Variants in CYLD observed in about 807,000 individuals in gnomAD.
CYLD encodes the protein ubiquitin carboxyl-terminal hydrolase CYLD.
A neutral mutation model predicts 104.5 loss-of-function variants in CYLD; 26 were observed. The observed-to-expected ratio is 0.25, with a 90% CI of 0.18 to 0.35. CYLD has a LOEUF of 0.35. CYLD is among the 10% of genes least tolerant of loss of function. The pLI, the probability that CYLD is intolerant of heterozygous loss-of-function variation, is 1.00. For synonymous variants in CYLD, 385 were observed against 399.9 expected, an observed-to-expected ratio of 0.96 and a Z score of 0.45; for missense variants, 703 against 1,136.1, an observed-to-expected ratio of 0.62 and a Z score of 5.48.
intron 6 of CYLD, 120 bp downstream of exon 6, chr16:50,775,294 TC>T: frequency 1.3e-6 from 1 of 781,484 alleles, no homozygotes; most frequent in Non-Finnish European, 2.1e-6. Context: ...TATTCTATGA[TC>T]ATTGCTGGGC....
rs1222800990 is a variant in CYLD, at chr16:50,799,438, T to C, written c.*2930T>C. The C allele has an allele frequency of 4.3e-6, 1 of 233,570 alleles. No homozygotes were observed. The allele number at this position is 233,570 out of a possible 1,614,324, so 14.5% of individuals were successfully genotyped here. On this transcript the variant is annotated 3_prime_UTR_variant, in exon 19 of 19. Coordinates refer to ENST00000427738, the MANE Select transcript of CYLD (RefSeq NM_001378743.1). ...TTTGACTCCATCCACAGAAGAATGT[T>C]TTATAAGACTAGGAAAACACGTTGA...
chr16:50,765,324 G>A, intron 5 of CYLD, among the ~76,000 whole-genome samples: 1 of 152,062 alleles, frequency 6.6e-6, no homozygotes, highest in Non-Finnish European at 1.5e-5. Context: ...GATCTTTGAG[G>A]TGACTATTGA....
At chr16:50,783,828 C>T (rs1403430974) in intron 11 of CYLD, 11 of 164,564 alleles carry the variant, frequency 6.7e-5, no homozygotes, top group East Asian at 1.7e-4. Flanking sequence ...CATGAGCCAC[C>T]GCACCTGGCC....
chr16:50,787,717 T>C, intron 13 of CYLD, 69 bp from the exon 14 acceptor site: 1 of 829,500 alleles, frequency 1.2e-6, no homozygotes. Flanking sequence ...ATTTGACTGT[T>C]AGAAATGAAA....
At chr16:50,782,495 A>T in intron 11 of CYLD, 29 bp downstream of exon 11, 1 of 1,611,766 alleles carries the variant, frequency 6.2e-7, no homozygotes, top group Non-Finnish European at 8.5e-7. Context: ...CAATAGGTAT[A>T]GATAGTGCCA....
At chr16:50,756,021 A>G (rs1291245830) in intron 5 of CYLD, among the ~76,000 whole-genome samples, 4 of 152,162 alleles carry the variant, frequency 2.6e-5, no homozygotes, top group Admixed American at 2.0e-4. Flanking sequence ...TGATCCCTCT[A>G]TAAGGCAAGC....
rs577361954 is a variant in CYLD, at chr16:50,798,967, C to T, written c.*2459C>T. 2.7e-4 allele frequency: 63 copies of T among 233,470 alleles called. No homozygotes were observed. Among genetic ancestry groups the T allele is most frequent in the African/African-American group, 1.4e-3 (63 of 45,488 alleles). 14.5% of individuals were successfully genotyped at this position (233,470 alleles called of 1,614,324 possible). On this transcript the variant is annotated 3_prime_UTR_variant, in exon 19 of 19. Coordinates refer to ENST00000427738, the MANE Select transcript of CYLD (RefSeq NM_001378743.1). ...TGAGGCAGCAGGAAGGTTTCCCCTG[C>T]ACCTGTCTGTCCTGGCTCCCTCTGG...
chr16:50,800,657 A>C lies in CYLD; in HGVS notation c.*4149A>C, dbSNP rs1188089976. 1 of 232,628 alleles carries C rather than the reference A, an allele frequency of 4.3e-6. No homozygotes were observed. Among genetic ancestry groups the C allele is most frequent in the African/African-American group, 2.2e-5 (1 of 45,336 alleles). The allele number at this position is 232,628 out of a possible 1,614,324, so 14.4% of individuals were successfully genotyped here. ...AATTCTAAGGCAAAGTTAAAGAAAA[A>C]AATTACATTATTTCTTACCATTTGC... On this transcript the variant is annotated 3_prime_UTR_variant, in exon 19 of 19. Coordinates refer to ENST00000427738, the MANE Select transcript of CYLD (RefSeq NM_001378743.1).
chr16:50,753,754 A>G (rs1966808104), intron 4 of CYLD, among the ~76,000 whole-genome samples: 1 of 152,246 alleles, frequency 6.6e-6, no homozygotes, highest in African/African-American at 2.4e-5. Context: ...CTATATTAGA[A>G]TATCAGATAA....
chr16:50,794,544 A>ATTCTG lies in CYLD; in HGVS notation c.2686+117_2686+121dup. The ATTCTG allele has an allele frequency of 1.0e-6, 1 of 1,001,732 alleles. No homozygotes were observed. Among genetic ancestry groups the ATTCTG allele is most frequent in the Non-Finnish European group, 1.6e-6 (1 of 634,490 alleles). 62.1% of individuals were successfully genotyped at this position (1,001,732 alleles called of 1,614,324 possible). On this transcript the variant is annotated intron_variant, in intron 18 of 18. Coordinates refer to ENST00000427738, the MANE Select transcript of CYLD (RefSeq NM_001378743.1). The surrounding 1 kb of genome is among the most constrained non-coding windows in gnomAD (Gnocchi z 4.1). ...TTTCTGAGAAAATCCTTTCAGGATTATTCTGGTGACAACAGTCTTATATCT... is the reference window on the plus strand; with the variant it reads ...TTTCTGAGAAAATCCTTTCAGGATTATTCTGTTCTGGTGACAACAGTCTTATATCT...
rs1972309361 is a variant in CYLD, at chr16:50,799,455, A to G, written c.*2947A>G. The stretch of plus-strand genomic sequence containing the variant: ...AAGAATGTTTTATAAGACTAGGAAA[A>G]CACGTTGAAAACTAGGATAAACAGC... On this transcript the variant is annotated 3_prime_UTR_variant, in exon 19 of 19. Coordinates refer to ENST00000427738, the MANE Select transcript of CYLD (RefSeq NM_001378743.1). 1 of 233,650 alleles carries G rather than the reference A, an allele frequency of 4.3e-6. No homozygotes were observed. Among genetic ancestry groups the G allele is most frequent in the African/African-American group, 2.2e-5 (1 of 45,334 alleles). 14.5% of individuals were successfully genotyped at this position (233,650 alleles called of 1,614,324 possible).
In CYLD at chr16:50,783,599, C is replaced by T. The variant is rs149024160; in HGVS notation, c.1827-730C>T. ...TGTCGCCCAGGCTGGAATGCAGTGA[C>T]GTGATCTCGGCTCACTGGAACCTCC... On this transcript the variant is annotated intron_variant, in intron 11 of 18. Coordinates refer to ENST00000427738, the MANE Select transcript of CYLD (RefSeq NM_001378743.1). Among the ~76,000 whole-genome samples the T allele has an allele frequency of 2.4e-4, 36 of 152,232 alleles. No homozygotes were observed. In the East Asian group the frequency reaches 3.3e-3, roughly 14 times the overall value.
At chr16:50,757,200 C>T (rs920335586) in intron 5 of CYLD, among the ~76,000 whole-genome samples, 8 of 151,458 alleles carry the variant, frequency 5.3e-5, no homozygotes, top group East Asian at 1.9e-4. Context: ...TTAGCGTGCA[C>T]TGTTTGCGCT....
chr16:50,749,862 T>G lies in CYLD; in HGVS notation c.164T>G (p.Val55Gly), dbSNP rs774243056. 1 of 1,614,154 alleles carries G rather than the reference T, an allele frequency of 6.2e-7. No individual in the cohort carries two copies. The change falls in exon 3 of 19, where the codon GTG (valine) becomes GGG (glycine). Residue 55 changes from valine (V) to glycine (G), a missense_variant. Physicochemically the swap from Val to Gly is moderately radical, Grantham distance 109. Coordinates refer to ENST00000427738, the MANE Select transcript of CYLD (RefSeq NM_001378743.1). Reference protein sequence around the residue: ...SIGQYIQDRSVGHSRIPSAKG... With the variant: ...SIGQYIQDRSGGHSRIPSAKG... ...GGACAGTATATTCAAGATCGTTCTG[T>G]GGGGCATTCAAGGATTCCTTCTGCA...
At chr16:50,769,434 A>G (rs1430486196) in intron 5 of CYLD, among the ~76,000 whole-genome samples, 1 of 152,186 alleles carries the variant, frequency 6.6e-6, no homozygotes, top group East Asian at 1.9e-4. Flanking sequence ...GTGATATCAA[A>G]CATCTTTCCA....
chr16:50,760,987 A>G (rs1376125751), intron 5 of CYLD, among the ~76,000 whole-genome samples: 1 of 152,222 alleles, frequency 6.6e-6, no homozygotes, highest in Non-Finnish European at 1.5e-5. Flanking sequence ...TAGATAAAAA[A>G]TATATTTCAG....
In CYLD at chr16:50,792,653, T is replaced by C. The variant is rs1971544906; in HGVS notation, c.2298T>C (p.Phe766=). ...GATTTGGAAAAGACTTTAAACTATTTAAAAAAATTTTTCCTTCTCTGGAAT... is the reference window on the plus strand; with the variant it reads ...GATTTGGAAAAGACTTTAAACTATTCAAAAAAATTTTTCCTTCTCTGGAAT... ...MPRFGKDFKL[F]KKIFPSLELN... is the part of the protein sequence containing the mutation. The change falls in exon 16 of 19, where the codon TTT becomes TTC. Residue 766 remains phenylalanine, a synonymous_variant. Coordinates refer to ENST00000427738, the MANE Select transcript of CYLD (RefSeq NM_001378743.1). The C allele has an allele frequency of 1.9e-6, 3 of 1,600,038 alleles. No individual in the cohort carries two copies. In the South Asian group the frequency reaches 3.3e-5, roughly 18 times the overall value.
At position 50,801,820 on chromosome 16, in the gene CYLD, C is replaced by T. The variant is rs1229858706; in HGVS notation, c.*5312C>T. ...CACATAGAATACCCCTTCCTATCAG[C>T]TCGCTCTGATTTAGCCTTAATTTTG... On this transcript the variant is annotated 3_prime_UTR_variant, in exon 19 of 19. Transcript: ENST00000427738. 1 of 233,274 alleles carries T rather than the reference C, an allele frequency of 4.3e-6. No individual in the cohort carries two copies. Among genetic ancestry groups the T allele is most frequent in the Non-Finnish European group, 8.5e-6 (1 of 117,824 alleles). 14.5% of individuals were successfully genotyped at this position (233,274 alleles called of 1,614,324 possible).
At chr16:50,793,444 C>CA in intron 16 of CYLD, 102 bp from the exon 17 acceptor site, 1 of 838,430 alleles carries the variant, frequency 1.2e-6, no homozygotes, top group South Asian at 1.3e-5. Flanking sequence ...AAGCCATGAA[C>CA]ATTGTCCTTT....
Sources: allele counts gnomAD v4.1 joint callset (sites outside exome capture counted in the v4.1 genomes callset), GRCh38; gene constraint gnomAD v4.1.1; non-coding constraint Gnocchi (gnomAD v3.1); transcripts MANE v1.5; gene names NCBI Gene and HGNC (gene_info 2026-07-23, HGNC 2026-07-21).